Variants in LDB2 observed in about 807,000 individuals in gnomAD.
LDB2 encodes LIM domain binding 2.
Under a neutral mutation model 44.3 loss-of-function variants are expected in LDB2, and 12 were observed. The observed-to-expected ratio is 0.27, with a 90% CI of 0.17 to 0.44. LDB2 has a LOEUF of 0.44. LDB2 is among the 20% of genes least tolerant of loss of function. The pLI is 1.00. For missense variants in LDB2, 344 were observed against 473.5 expected (o/e 0.73, Z 2.54); for synonymous variants, 164 against 174.8 (o/e 0.94, Z 0.49).
At chr4:16,560,958 G>C (rs1260704971) in intron 5 of LDB2, among the ~76,000 whole-genome samples, 2 of 152,108 alleles carry the variant, frequency 1.3e-5, no homozygotes, top group Non-Finnish European at 2.9e-5. Context: ...CAGAACCAAA[G>C]ACAAAAACCA....
chr4:16,687,792 T>G (rs980031429), intron 2 of LDB2, among the ~76,000 whole-genome samples: 6 of 152,194 alleles, frequency 3.9e-5, no homozygotes, highest in African/African-American at 1.4e-4. Flanking sequence ...TAAGAATATG[T>G]GATTCTAGGA....
At chr4:16,666,301 C>G (rs1743190314) in intron 2 of LDB2, among the ~76,000 whole-genome samples, 1 of 152,302 alleles carries the variant, frequency 6.6e-6, no homozygotes, top group East Asian at 1.9e-4. Flanking sequence ...AGAGTTGAAG[C>G]CTCGCCAAGC....
intron 5 of LDB2, among the ~76,000 whole-genome samples, chr4:16,519,491 C>T (rs562573980): frequency 1.3e-5 from 2 of 152,004 alleles, no homozygotes; most frequent in South Asian, 4.2e-4. Context: ...TAAATGACTT[C>T]TAAGATACCA....
intron 2 of LDB2, among the ~76,000 whole-genome samples, chr4:16,643,917 C>G (rs1311288877): frequency 6.6e-6 from 1 of 152,156 alleles, no homozygotes; most frequent in Non-Finnish European, 1.5e-5. Flanking sequence ...TGTGCAATGG[C>G]AAATATAGCA....
intron 1 of LDB2, among the ~76,000 whole-genome samples, chr4:16,863,922 A>G (rs1713695335): frequency 6.6e-6 from 1 of 152,170 alleles, no homozygotes; most frequent in Non-Finnish European, 1.5e-5. Context: ...GGCTTCCCGA[A>G]GTGCTGGGAT....
At chr4:16,664,894 A>T (rs1178716596) in intron 2 of LDB2, among the ~76,000 whole-genome samples, 1 of 152,242 alleles carries the variant, frequency 6.6e-6, no homozygotes, top group African/African-American at 2.4e-5. Context: ...AGGGTAGATG[A>T]ACAGAAAACA....
chr4:16,793,307 T>C (rs1776135460), intron 1 of LDB2, among the ~76,000 whole-genome samples: 1 of 152,154 alleles, frequency 6.6e-6, no homozygotes. Context: ...AAGCACCCTC[T>C]AACCAGGGCA....
chr4:16,836,601 G>T (rs1334044650), intron 1 of LDB2, among the ~76,000 whole-genome samples: 1 of 152,112 alleles, frequency 6.6e-6, no homozygotes, highest in South Asian at 2.1e-4. Context: ...TACTATCAGA[G>T]CCTTCCCTCC....
At chr4:16,640,587 C>A (rs550872144) in intron 2 of LDB2, among the ~76,000 whole-genome samples, 2 of 152,176 alleles carry the variant, frequency 1.3e-5, no homozygotes, top group African/African-American at 4.8e-5. Flanking sequence ...CAGCCAGACA[C>A]TATTAAAACT....
At chr4:16,537,121 T>C (rs1732138391) in intron 5 of LDB2, among the ~76,000 whole-genome samples, 1 of 152,210 alleles carries the variant, frequency 6.6e-6, no homozygotes, top group African/African-American at 2.4e-5. Flanking sequence ...CCTTTCTTTT[T>C]AGAGTTTTCC....
intron 2 of LDB2, among the ~76,000 whole-genome samples, chr4:16,711,170 A>G (rs1755783945): frequency 6.6e-6 from 1 of 152,242 alleles, no homozygotes; most frequent in African/African-American, 2.4e-5. Flanking sequence ...TAGGGCACCT[A>G]AAGTGCATTA....
At chr4:16,763,485 G>C (rs1179359853) in intron 1 of LDB2, among the ~76,000 whole-genome samples, 1 of 110,488 alleles carries the variant, frequency 9.1e-6, no homozygotes, top group Admixed American at 8.7e-5. Context: ...CAGAGTTTTT[G>C]AATTAGTCTT....
At chr4:16,567,302 T>C (rs1220813507) in intron 5 of LDB2, among the ~76,000 whole-genome samples, 1 of 152,182 alleles carries the variant, frequency 6.6e-6, no homozygotes, top group African/African-American at 2.4e-5. Context: ...TAACCTTCTC[T>C]AGGATATATT....
At chr4:16,872,801 A>G (rs1156562679) in intron 1 of LDB2, among the ~76,000 whole-genome samples, 1 of 152,242 alleles carries the variant, frequency 6.6e-6, no homozygotes, top group Admixed American at 6.5e-5. Flanking sequence ...ATGACTATTA[A>G]TTAACTTTCA....
At chr4:16,661,208 C>T (rs1275093708) in intron 2 of LDB2, among the ~76,000 whole-genome samples, 1 of 152,146 alleles carries the variant, frequency 6.6e-6, no homozygotes. Flanking sequence ...TATCTGTCCC[C>T]ACTGCTAGAC....
chr4:16,666,438 C>T (rs866623108), intron 2 of LDB2, among the ~76,000 whole-genome samples: 2 of 152,328 alleles, frequency 1.3e-5, no homozygotes, highest in South Asian at 2.1e-4. Context: ...ACGGTAGTGA[C>T]TCTTCCTTCA....
intron 2 of LDB2, among the ~76,000 whole-genome samples, chr4:16,701,357 A>G (rs1187615112): frequency 6.6e-6 from 1 of 152,188 alleles, no homozygotes; most frequent in South Asian, 2.1e-4. Context: ...AAAAGAGTAG[A>G]GTAGATTGAG....
intron 2 of LDB2, among the ~76,000 whole-genome samples, chr4:16,600,556 T>G (rs1722301827): frequency 6.6e-6 from 1 of 152,212 alleles, no homozygotes; most frequent in Admixed American, 6.5e-5. Flanking sequence ...ATTCAGGTGT[T>G]GAAATGTGTA....
intron 5 of LDB2, among the ~76,000 whole-genome samples, chr4:16,540,317 G>T (rs1390539631): frequency 1.3e-5 from 2 of 152,116 alleles, no homozygotes; most frequent in African/African-American, 2.4e-5. Context: ...TGCAACCTTG[G>T]ACATCATTTT....
Sources: gnomAD v4.1 joint callset for allele counts (sites outside exome capture counted in the v4.1 genomes callset) on GRCh38, gnomAD v4.1.1 for gene constraint, MANE v1.5 for transcripts, NCBI Gene and HGNC (gene_info 2026-07-23, HGNC 2026-07-21) for gene names.